Variants in CBLB observed in about 807,000 individuals in gnomAD.
CBLB encodes Cbl proto-oncogene B, also known as E3 ubiquitin-protein ligase CBL-B.
In CBLB, 31 loss-of-function variants were observed where a neutral mutation model predicts 104.9. The observed-to-expected ratio is 0.30, with a 90% CI of 0.22 to 0.40. The LOEUF (loss-of-function observed/expected upper bound fraction) is 0.40, where lower values mean the gene tolerates loss of function less well. CBLB is among the 10% of genes least tolerant of loss of function. CBLB has a pLI of 1.00. For missense variants in CBLB, 1,062 were observed against 1,214.6 expected (o/e 0.87, Z 1.87); for synonymous variants, 440 against 422.6 (o/e 1.04, Z -0.51).
chr3:105,730,157 A>G (rs933194131), intron 9 of CBLB, among the ~76,000 whole-genome samples: 13 of 152,010 alleles, frequency 8.6e-5, no homozygotes, highest in Non-Finnish European at 1.5e-4. Flanking sequence ...TAAAACAGCG[A>G]TAAAAATGCA....
chr3:105,690,573 C>T (rs1218463709), intron 13 of CBLB, among the ~76,000 whole-genome samples: 1 of 152,128 alleles, frequency 6.6e-6, no homozygotes, highest in African/African-American at 2.4e-5. Flanking sequence ...CCTGTAATCC[C>T]AGCACTTTGG....
At chr3:105,869,067 G>GCGGGGC (rs1295574740), upstream of CBLB, 173 of 1,030,830 alleles carry the variant, frequency 1.7e-4, 1 homozygote, top group Non-Finnish European at 1.9e-4. Flanking sequence ...CGGGGCGGGG[G>GCGGGGC]CGGGGCCGGG....
chr3:105,739,024 T>C (rs1046869905), intron 7 of CBLB, among the ~76,000 whole-genome samples: 1 of 152,120 alleles, frequency 6.6e-6, no homozygotes, highest in African/African-American at 2.4e-5. Context: ...TAACCCATCT[T>C]AGCCTCCAGA....
At chr3:105,701,854 A>C (rs964715977) in intron 12 of CBLB, among the ~76,000 whole-genome samples, 3 of 152,148 alleles carry the variant, frequency 2.0e-5, no homozygotes, top group Non-Finnish European at 4.4e-5. Flanking sequence ...AGGTGAAATA[A>C]ATCTCTGGCA....
At chr3:105,804,825 T>C (rs886156382) in intron 3 of CBLB, among the ~76,000 whole-genome samples, 2 of 152,174 alleles carry the variant, frequency 1.3e-5, no homozygotes, top group African/African-American at 4.8e-5. Flanking sequence ...TTAAGGATCC[T>C]TGAATTCATT....
In CBLB at chr3:105,786,915, AT is replaced by A. The variant is rs1423661244; in HGVS notation, c.420-10374del. Among the ~76,000 whole-genome samples, 11 of 152,306 alleles carry A rather than the reference AT, an allele frequency of 7.2e-5. No individual in the cohort carries two copies. In the East Asian group the frequency reaches 2.1e-3, roughly 29 times the overall value. On this transcript the variant is annotated intron_variant, in intron 3 of 18. Transcript: ENST00000394030. ...CCAACCAGATGATTCAATTAACTCC[AT>A]TTTACTTCCATTTATTAGATATATG...
intron 3 of CBLB, among the ~76,000 whole-genome samples, chr3:105,799,257 TAAA>T (rs1387968362): frequency 7.1e-6 from 1 of 141,246 alleles, no homozygotes; most frequent in Non-Finnish European, 1.6e-5. Context: ...ATTATCAAAA[TAAA>T]AAAGCAAATT....
At chr3:105,664,923 G>C (rs1490328292) in intron 18 of CBLB, among the ~76,000 whole-genome samples, 1 of 152,088 alleles carries the variant, frequency 6.6e-6, no homozygotes, top group Non-Finnish European at 1.5e-5. Context: ...GACGTGAGAT[G>C]CATGTGTACA....
chr3:105,708,916 CTAT>C (rs749623695), intron 10 of CBLB, among the ~76,000 whole-genome samples: 19 of 151,848 alleles, frequency 1.3e-4, no homozygotes, highest in Admixed American at 2.6e-4. Flanking sequence ...AGAATGTAAT[CTAT>C]TATATTATCT....
At position 105,751,635 on chromosome 3, in the gene CBLB, A is replaced by C; in HGVS notation, c.567-17T>G. On this transcript the variant is annotated splice_polypyrimidine_tract_variant and intron_variant, in intron 4 of 18. Transcript: ENST00000394030. ...ACGATAGTTCTGTGCAAGGTGGAAA[A>C]AAAGGGAAATAATTGAATCAAGTAT... The C allele has an allele frequency of 6.2e-7, 1 of 1,608,360 alleles. No individual in the cohort carries two copies. The highest frequency in any genetic ancestry group is 1.3e-5 in the African/African-American group (1 of 74,932).
At chr3:105,752,733 T>C (rs2076704364) in intron 4 of CBLB, among the ~76,000 whole-genome samples, 1 of 152,208 alleles carries the variant, frequency 6.6e-6, no homozygotes, top group South Asian at 2.1e-4. Context: ...AATAATTTTC[T>C]ATAGCAGTGT....
At chr3:105,805,948 A>C (rs1362696016) in intron 3 of CBLB, among the ~76,000 whole-genome samples, 61 of 146,894 alleles carry the variant, frequency 4.2e-4, no homozygotes, top group African/African-American at 1.5e-3. Context: ...AAAAAAAAAA[A>C]CAGAAAAAAA....
chr3:105,834,785 C>T (rs1190281347), intron 3 of CBLB, among the ~76,000 whole-genome samples: 4 of 152,124 alleles, frequency 2.6e-5, no homozygotes, highest in African/African-American at 7.2e-5. Flanking sequence ...GGTTAAACTC[C>T]GACAATAAGA....
intron 3 of CBLB, among the ~76,000 whole-genome samples, chr3:105,826,951 C>A (rs2086670446): frequency 6.6e-6 from 1 of 152,122 alleles, no homozygotes; most frequent in Non-Finnish European, 1.5e-5. Context: ...CTTCAAAATG[C>A]AAGATGCGTG....
chr3:105,806,304 T>C (rs531848654), intron 3 of CBLB, among the ~76,000 whole-genome samples: 1 of 152,310 alleles, frequency 6.6e-6, no homozygotes, highest in Admixed American at 6.5e-5. Flanking sequence ...CATACTCATG[T>C]AAATACCTTG....
At chr3:105,659,450 G>A (rs1479780306) in intron 18 of CBLB, among the ~76,000 whole-genome samples, 2 of 152,082 alleles carry the variant, frequency 1.3e-5, no homozygotes, top group Non-Finnish European at 2.9e-5. Flanking sequence ...GTTCCACTGA[G>A]AAATTTACAC....
intron 2 of CBLB, among the ~76,000 whole-genome samples, chr3:105,865,678 G>A (rs1257280647): frequency 6.6e-6 from 1 of 152,078 alleles, no homozygotes; most frequent in Non-Finnish European, 1.5e-5. Context: ...CAAAAATAAT[G>A]ATTTTATAGT....
chr3:105,814,099 GT>G (rs2084681435), intron 3 of CBLB, among the ~76,000 whole-genome samples: 1 of 152,066 alleles, frequency 6.6e-6, no homozygotes, highest in South Asian at 2.1e-4. Flanking sequence ...AGATCATCAG[GT>G]TTTTATGCCC....
At chr3:105,803,029 G>T (rs2083076060) in intron 3 of CBLB, among the ~76,000 whole-genome samples, 1 of 152,124 alleles carries the variant, frequency 6.6e-6, no homozygotes, top group African/African-American at 2.4e-5. Context: ...TTAAATTAGA[G>T]AAATCGGAGA....
Sources: allele counts gnomAD v4.1 joint callset (sites outside exome capture counted in the v4.1 genomes callset), GRCh38; gene constraint gnomAD v4.1.1; transcripts MANE v1.5; gene names NCBI Gene and HGNC (gene_info 2026-07-23, HGNC 2026-07-21).